Variants in LRRC4C observed in about 807,000 individuals in gnomAD.
The protein encoded by LRRC4C is leucine rich repeat containing 4C, also known as leucine-rich repeat-containing protein 4C.
Under a neutral mutation model 33.6 loss-of-function variants are expected in LRRC4C, and 5 were observed. That is an observed-to-expected ratio of 0.15 (90% CI 0.08 to 0.31). The LOEUF is 0.31. Among genes scored for constraint, LRRC4C ranks in the 10% least tolerant of loss-of-function variants. The probability of loss-of-function intolerance (pLI) is 1.00; values close to 1 mark genes in which losing one functional copy is unlikely to be tolerated. For synonymous variants in LRRC4C, 329 were observed against 302.0 expected (o/e 1.09, Z -0.93); for missense variants, 560 against 796.7 (o/e 0.70, Z 3.58).
At chr11:40,243,672 G>A (rs1264349789) in intron 4 of LRRC4C, among the ~76,000 whole-genome samples, 5 of 149,784 alleles carry the variant, frequency 3.3e-5, no homozygotes, top group South Asian at 2.1e-4. Context: ...CTAGACATAC[G>A]GAAAAAACTT....
intron 1 of LRRC4C, among the ~76,000 whole-genome samples, chr11:41,278,977 C>A (rs1949569421): frequency 6.6e-6 from 1 of 152,140 alleles, no homozygotes; most frequent in African/African-American, 2.4e-5. Context: ...CTTGTCCCCT[C>A]TCCCATCCTC....
intron 2 of LRRC4C, among the ~76,000 whole-genome samples, chr11:40,768,111 A>G (rs898240512): frequency 1.3e-5 from 2 of 152,028 alleles, no homozygotes; most frequent in African/African-American, 4.8e-5. Context: ...CGATCTAAAT[A>G]AATAAAACAG....
chr11:41,032,686 T>C (rs1212470762), intron 1 of LRRC4C, among the ~76,000 whole-genome samples: 1 of 151,914 alleles, frequency 6.6e-6, no homozygotes, highest in Non-Finnish European at 1.5e-5. Context: ...TCAATAGATA[T>C]TATAGATGTC....
rs1273593780 is a variant in LRRC4C, at chr11:41,125,564, A to G, written c.-495-191841T>C. Reference sequence around the variant, plus strand: ...TTATCATACAAAAACATAGATTGAAAAAAAAGCCACTTTATTTTGCAATGT... The same window carrying G: ...TTATCATACAAAAACATAGATTGAAGAAAAAGCCACTTTATTTTGCAATGT... On this transcript the variant is annotated intron_variant, in intron 1 of 6. Coordinates refer to ENST00000528697, the MANE Select transcript of LRRC4C (RefSeq NM_001258419.2). 3.9e-5 allele frequency among the ~76,000 whole-genome samples: 6 copies of G among 152,222 alleles called. No homozygotes were observed. In the East Asian group the frequency reaches 5.8e-4, roughly 15 times the overall value.
intron 3 of LRRC4C, among the ~76,000 whole-genome samples, chr11:40,451,868 A>G (rs1314619824): frequency 6.6e-6 from 1 of 152,200 alleles, no homozygotes; most frequent in African/African-American, 2.4e-5. Context: ...TGAGCGATGC[A>G]GAAGACGAAT....
rs180861993 is a variant in LRRC4C at position 40,506,266 on chromosome 11, A to G, written c.-270+141876T>C. 1.6e-3 allele frequency among the ~76,000 whole-genome samples: 238 copies of G among 152,300 alleles called. 1 individual carries two copies. Among genetic ancestry groups the G allele is most frequent in the Non-Finnish European group, 1.5e-3 (102 of 68,026 alleles). On this transcript the variant is annotated intron_variant, in intron 3 of 6. Transcript: ENST00000528697. ...CATGCTCTGACTCACAGTTTTCTCTATGTAGGCTGTTTCTTTGCCTTTCCA... is the reference window on the plus strand; with the variant it reads ...CATGCTCTGACTCACAGTTTTCTCTGTGTAGGCTGTTTCTTTGCCTTTCCA...
intron 5 of LRRC4C, among the ~76,000 whole-genome samples, chr11:40,226,287 G>A (rs1343572113): frequency 2.0e-5 from 3 of 152,110 alleles, no homozygotes; most frequent in South Asian, 2.1e-4. Context: ...AGGCCAATAC[G>A]TTCACTATTG....
intron 2 of LRRC4C, among the ~76,000 whole-genome samples, chr11:40,663,611 T>C (rs762268485): frequency 1.3e-5 from 2 of 152,096 alleles, no homozygotes; most frequent in Non-Finnish European, 2.9e-5. Flanking sequence ...ATAAAAATAA[T>C]TTAGCCAGTG....
At chr11:40,911,173 C>T (rs1956660773) in intron 2 of LRRC4C, among the ~76,000 whole-genome samples, 2 of 152,208 alleles carry the variant, frequency 1.3e-5, no homozygotes, top group Non-Finnish European at 2.9e-5. Context: ...CTAAATGTCC[C>T]TGTCTGACAG....
At position 40,615,238 on chromosome 11, in the gene LRRC4C, T is replaced by TTATATATATATATATATATATATA. The variant is rs756021420; in HGVS notation, c.-270+32880_-270+32903dup. Among the ~76,000 whole-genome samples, 170 of 88,034 alleles carry TTATATATATATATATATATATATA rather than the reference T, an allele frequency of 1.9e-3. 2 individuals are homozygous for TTATATATATATATATATATATATA. Among genetic ancestry groups the TTATATATATATATATATATATATA allele is most frequent in the Middle Eastern group, 6.8e-3 (1 of 146 alleles). The allele number at this position is 88,034 out of a possible 152,430, so 57.8% of individuals were successfully genotyped here. ...CAATCACTCGATGCATTGATTTATT[T>TTATATATATATATATATATATATA]TATATATATATATATATATATATAT... On this transcript the variant is annotated intron_variant, in intron 3 of 6. Coordinates refer to ENST00000528697, the MANE Select transcript of LRRC4C (RefSeq NM_001258419.2).
intron 1 of LRRC4C, among the ~76,000 whole-genome samples, chr11:40,966,050 A>G (rs917070393): frequency 6.6e-6 from 1 of 151,986 alleles, no homozygotes; most frequent in African/African-American, 2.4e-5. Flanking sequence ...TTAATTGAGC[A>G]GTGGTTTGTA....
intron 3 of LRRC4C, among the ~76,000 whole-genome samples, chr11:40,557,789 A>T (rs780429029): frequency 4.6e-5 from 7 of 152,120 alleles, no homozygotes; most frequent in Admixed American, 4.6e-4. Flanking sequence ...AGATAAATAA[A>T]GCAGAGAAGT....
chr11:40,493,669 C>A (rs116830022), intron 3 of LRRC4C, among the ~76,000 whole-genome samples: 1,743 of 152,218 alleles, frequency 0.011, 39 homozygotes, highest in African/African-American at 0.039. Context: ...CAAATAGTAA[C>A]AACTATCTAA....
intron 3 of LRRC4C, among the ~76,000 whole-genome samples, chr11:40,555,474 A>C (rs1265861111): frequency 6.6e-6 from 1 of 152,120 alleles, no homozygotes; most frequent in Non-Finnish European, 1.5e-5. Flanking sequence ...TATTTCCCCA[A>C]TTTATATGAA....
intron 3 of LRRC4C, among the ~76,000 whole-genome samples, chr11:40,366,841 T>C (rs192790825): frequency 1.2e-3 from 181 of 152,194 alleles, no homozygotes; most frequent in African/African-American, 3.9e-3. Context: ...CAAGTCTCCT[T>C]ACATTTCTCA....
intron 3 of LRRC4C, among the ~76,000 whole-genome samples, chr11:40,621,973 A>G (rs1962502642): frequency 1.3e-5 from 2 of 151,830 alleles, no homozygotes; most frequent in Non-Finnish European, 2.9e-5. Flanking sequence ...ATTTGAATCC[A>G]GGCAGTCTCA....
At chr11:40,740,222 T>C (rs1948092304) in intron 2 of LRRC4C, among the ~76,000 whole-genome samples, 1 of 151,974 alleles carries the variant, frequency 6.6e-6, no homozygotes, top group South Asian at 2.1e-4. Flanking sequence ...TTATTTTTAA[T>C]TTTTTGATGA....
intron 3 of LRRC4C, among the ~76,000 whole-genome samples, chr11:40,517,525 A>G (rs1337876715): frequency 6.6e-6 from 1 of 152,190 alleles, no homozygotes; most frequent in African/African-American, 2.4e-5. Flanking sequence ...GGATGCTTCA[A>G]GAATAACACC....
In LRRC4C at chr11:40,354,523, T is replaced by C. The variant is rs115639351; in HGVS notation, c.-269-34802A>G. Reference sequence around the variant, plus strand: ...GAATTTACGTGATGGTCTATTCTAATGTAGCTGAGCTGGCACCCAAGCTGC... The same window carrying C: ...GAATTTACGTGATGGTCTATTCTAACGTAGCTGAGCTGGCACCCAAGCTGC... On this transcript the variant is annotated intron_variant, in intron 3 of 6. Transcript: ENST00000528697. Among the ~76,000 whole-genome samples the C allele has an allele frequency of 7.1e-3, 1,074 of 152,298 alleles. 14 individuals carry two copies. The highest frequency in any genetic ancestry group is 0.024 in the African/African-American group (1,013 of 41,584).
Sources: allele counts gnomAD v4.1 joint callset (sites outside exome capture counted in the v4.1 genomes callset), GRCh38; gene constraint gnomAD v4.1.1; transcripts MANE v1.5; gene names NCBI Gene and HGNC (gene_info 2026-07-23, HGNC 2026-07-21).